PRDM10: variants seen among roughly 807,000 people sequenced by gnomAD.
The protein encoded by PRDM10 is PR/SET domain 10, also known as PR domain zinc finger protein 10.
In PRDM10, 65 loss-of-function variants were observed where a neutral mutation model predicts 133.1. That is an observed-to-expected ratio of 0.49 (90% confidence interval 0.40 to 0.60). PRDM10 has a LOEUF of 0.60. Among genes scored for constraint, PRDM10 ranks in the 20% least tolerant of loss-of-function variants. The pLI is 0.00. For synonymous variants in PRDM10, 582 were observed against 580.4 expected, an observed-to-expected ratio of 1.00 and a Z score of -0.04; for missense variants, 1,137 against 1,507.1, an observed-to-expected ratio of 0.75 and a Z score of 4.07.
Position 129,947,239 on chromosome 11 carries a change from C to G in PRDM10, c.426G>C (p.Glu142Asp), listed in dbSNP as rs371931343. The change falls in exon 5 of 21, where the codon GAG (glutamate) becomes GAC (aspartate). Residue 142 changes from glutamate to aspartate, a missense_variant. This residue lies in a region of PRDM10 where 635 missense variants were observed against 835.2 expected (regional missense o/e 0.76). Transcript: ENST00000360871. The surrounding 1 kb of genome is among the most constrained non-coding windows in gnomAD (Gnocchi z 4.6). ...AKEEEDEDED[E>D]DTEEDEEEDG... The stretch of plus-strand genomic sequence containing the variant: ...CTTCTTCCTCATCTTCCTCAGTGTC[C>G]TCGTCCTCATCCTCATCCTCTTCCT... 9.9e-6 allele frequency: 16 copies of G among 1,614,034 alleles called. No homozygotes were observed. Among genetic ancestry groups the G allele is most frequent in the Non-Finnish European group, 1.4e-5 (16 of 1,180,020 alleles).
intron 4 of PRDM10, among the ~76,000 whole-genome samples, chr11:129,952,339 A>G (rs1258036393): frequency 1.3e-5 from 2 of 152,180 alleles, no homozygotes; most frequent in Non-Finnish European, 1.5e-5. Context: ...AGTGTGTGGA[A>G]ATGGGGCACC....
chr11:129,921,359 G>T (rs1301372934), intron 13 of PRDM10, among the ~76,000 whole-genome samples: 1 of 152,196 alleles, frequency 6.6e-6, no homozygotes, highest in East Asian at 1.9e-4. Context: ...TTCAAGTCAG[G>T]AGGAGGAGTG....
chr11:129,956,103 T>C (rs1391369987), intron 3 of PRDM10, among the ~76,000 whole-genome samples: 1 of 152,150 alleles, frequency 6.6e-6, no homozygotes, highest in Non-Finnish European at 1.5e-5. Context: ...AGTTCTTTTC[T>C]ACATAGTCAG....
intron 19 of PRDM10, among the ~76,000 whole-genome samples, chr11:129,908,181 GT>G (rs1169271339): frequency 1.3e-5 from 2 of 151,566 alleles, no homozygotes; most frequent in Non-Finnish European, 2.9e-5. Context: ...TTAAAAAATA[GT>G]TTTTTTCAGC....
intron 13 of PRDM10, among the ~76,000 whole-genome samples, chr11:129,919,968 C>T (rs1950473728): frequency 6.6e-6 from 1 of 152,200 alleles, no homozygotes; most frequent in African/African-American, 2.4e-5. Context: ...ATGTTCAGCG[C>T]TTTGTAGGCT....
intron 13 of PRDM10, among the ~76,000 whole-genome samples, chr11:129,921,192 GA>G (rs1950514315): frequency 6.6e-6 from 1 of 152,186 alleles, no homozygotes; most frequent in Non-Finnish European, 1.5e-5. Context: ...TACTTAGCAG[GA>G]CAGGCAAATG....
intron 1 of PRDM10, among the ~76,000 whole-genome samples, chr11:129,967,055 AG>A (rs1433013734): frequency 6.6e-6 from 1 of 152,198 alleles, no homozygotes; most frequent in Non-Finnish European, 1.5e-5. Flanking sequence ...AATCTAGAAG[AG>A]CTCTTTCAAT....
rs1165278978 is a variant in PRDM10 at position 129,932,152 on chromosome 11, G to A, written c.1237C>T (p.Arg413Cys). The change falls in exon 10 of 21, where the codon CGC becomes TGC. Residue 413 changes from arginine (R) to cysteine (C), a missense_variant. This residue lies in a region of PRDM10 where 635 missense variants were observed against 835.2 expected (regional missense o/e 0.76). Transcript: ENST00000360871. Reference protein sequence around the residue: ...RRPGRPPKFIRLEITSENGEK... With the variant: ...RRPGRPPKFICLEITSENGEK... ...CCATTTTCGCTGGTGATTTCCAGGC[G>A]GATAAATTTTGGAGGACGCCCCGGC... 6.2e-6 allele frequency: 10 copies of A among 1,614,026 alleles called. No homozygotes were observed. Among genetic ancestry groups the A allele is most frequent in the Non-Finnish European group, 7.6e-6 (9 of 1,179,990 alleles).
rs559960200 is a variant in PRDM10 at position 129,918,521 on chromosome 11, C to T, written c.2214+18G>A. The stretch of plus-strand genomic sequence containing the variant: ...TATGCTGGGAAGACAGAGGAACCCG[C>T]AGCCACTGGGCACTGACCAGCATGC... On this transcript the variant is annotated intron_variant, in intron 14 of 20. Transcript: ENST00000360871. This position sits in a 1 kb window ranked among gnomAD's most constrained non-coding sequence, Gnocchi z 5.3. The T allele has an allele frequency of 1.5e-5, 24 of 1,607,490 alleles. No individual in the cohort carries two copies. In the African/African-American group the frequency reaches 3.1e-4, roughly 21 times the overall value.
At chr11:129,911,980 A>C in intron 18 of PRDM10, 105 bp downstream of exon 18, 1 of 1,330,258 alleles carries the variant, frequency 7.5e-7, no homozygotes, top group Non-Finnish European at 9.9e-7. Flanking sequence ...CAAAAATAAC[A>C]GTAGCTGAGG....
chr11:129,912,492 C>T (rs1353432125), intron 17 of PRDM10, among the ~76,000 whole-genome samples: 3 of 152,236 alleles, frequency 2.0e-5, no homozygotes, highest in Non-Finnish European at 2.9e-5. Flanking sequence ...TGGCTCACGC[C>T]TGTAATCCCA....
chr11:129,931,710 G>A (rs986767229), intron 10 of PRDM10, among the ~76,000 whole-genome samples: 1 of 151,674 alleles, frequency 6.6e-6, no homozygotes, highest in African/African-American at 2.4e-5. Context: ...GGGATTGCAG[G>A]CGCCCGCCAC....
chr11:129,908,364 T>C (rs1950078058), intron 19 of PRDM10, among the ~76,000 whole-genome samples: 1 of 149,398 alleles, frequency 6.7e-6, no homozygotes. Flanking sequence ...AACCCAGCAC[T>C]TGGGGAGGTC....
At chr11:129,953,276 C>T (rs2135904832) in intron 4 of PRDM10, among the ~76,000 whole-genome samples, 1 of 152,038 alleles carries the variant, frequency 6.6e-6, no homozygotes, top group Middle Eastern at 3.5e-3. Flanking sequence ...CTGCACCCAG[C>T]CGTCATTTCT....
Position 129,935,208 on chromosome 11 carries a change from C to T in PRDM10, c.1050G>A (p.Glu350=), listed in dbSNP as rs747486404. ...ISEEERKVLR[E]QEKNWPCYEC... is the part of the protein sequence containing the mutation. ...CATAGCAGGGCCAATTCTTCTCTTG[C>T]TCTCGAAGAACTACAGTCACAGGAG... The change falls in exon 9 of 21, where the codon GAG becomes GAA. Residue 350 remains glutamate (E), a synonymous_variant. Transcript: ENST00000360871. 14 of 1,613,434 alleles carry T rather than the reference C, an allele frequency of 8.7e-6. No homozygotes were observed. Among genetic ancestry groups the T allele is most frequent in the South Asian group, 6.6e-5 (6 of 91,056 alleles).
chr11:129,936,790 G>A (rs1238918970), intron 8 of PRDM10, among the ~76,000 whole-genome samples: 2 of 152,164 alleles, frequency 1.3e-5, no homozygotes, highest in Non-Finnish European at 1.5e-5. Flanking sequence ...TCCAGCTGGT[G>A]TCTGAAGTCA....
intron 1 of PRDM10, among the ~76,000 whole-genome samples, chr11:129,977,300 A>G (rs1565506749): frequency 6.7e-6 from 1 of 148,820 alleles, no homozygotes; most frequent in African/African-American, 2.5e-5. Flanking sequence ...ACACACACAC[A>G]TTGAGATGCA....
At chr11:129,994,369 G>A (rs1938923846) in intron 1 of PRDM10, among the ~76,000 whole-genome samples, 1 of 151,686 alleles carries the variant, frequency 6.6e-6, no homozygotes, top group African/African-American at 2.4e-5. Flanking sequence ...GGAGGCTGGG[G>A]CAGGGAGAAT....
At chr11:129,924,576 G>A (rs912795518) in intron 12 of PRDM10, among the ~76,000 whole-genome samples, 2 of 152,052 alleles carry the variant, frequency 1.3e-5, no homozygotes, top group Non-Finnish European at 1.5e-5. Context: ...CTACAGGCTC[G>A]GTATATTTTA....
Sources: allele counts gnomAD v4.1 joint callset (sites outside exome capture counted in the v4.1 genomes callset), GRCh38; gene constraint gnomAD v4.1.1; regional missense constraint gnomAD v4.1.1; non-coding constraint Gnocchi (gnomAD v3.1); transcripts MANE v1.5; gene names NCBI Gene and HGNC (gene_info 2026-07-23, HGNC 2026-07-21).